DIS3L: variants seen among roughly 807,000 people sequenced by gnomAD.
DIS3L encodes DIS3-like exonuclease 1.
In DIS3L, 100 loss-of-function variants were observed where a neutral mutation model predicts 120.3. The ratio of observed to expected loss-of-function variants is 0.83; its 90% confidence interval spans 0.71 to 0.98. DIS3L has a LOEUF of 0.98. DIS3L is among the 50% of genes least tolerant of loss of function. The pLI is 0.00. For synonymous variants in DIS3L, 426 were observed against 470.6 expected (o/e 0.91, Z 1.23); for missense variants, 1,196 against 1,314.2 (o/e 0.91, Z 1.39).
chr15:66,307,219 C>T (rs1231174391), intron 3 of DIS3L, among the ~76,000 whole-genome samples: 1 of 152,136 alleles, frequency 6.6e-6, no homozygotes, highest in Non-Finnish European at 1.5e-5. Context: ...CAGGATCATT[C>T]CAGTGAACTA....
In DIS3L at chr15:66,308,854, G is replaced by A. The variant is rs1159240430; in HGVS notation, c.558+10G>A. On this transcript the variant is annotated intron_variant, in intron 4 of 16. Transcript: ENST00000319212. ...CGTGATTACTTTCAAGGTATTTCCA[G>A]ATATTGTATATGTATGAGTGCTCAT... The A allele has an allele frequency of 1.2e-6, 2 of 1,611,674 alleles. No individual in the cohort carries two copies. The highest frequency in any genetic ancestry group is 1.7e-6 in the Non-Finnish European group (2 of 1,178,696).
intron 2 of DIS3L, among the ~76,000 whole-genome samples, chr15:66,305,190 C>T (rs541932091): frequency 1.6e-3 from 236 of 151,286 alleles, no homozygotes; most frequent in Middle Eastern, 3.5e-3. Context: ...TTAGTAGAGA[C>T]GGGGTTTCAC....
rs1462918199 is a variant in DIS3L at position 66,293,695 on chromosome 15, C to A, written c.99C>A (p.Cys33Ter). Residue 33 changes from cysteine (C) to a stop codon, truncating the protein, a stop_gained, in exon 1 of 17, where the codon TGC becomes TGA. Coordinates refer to ENST00000319212, the MANE Select transcript of DIS3L (RefSeq NM_001143688.3). LOFTEE classifies it high-confidence loss of function. The stretch of plus-strand genomic sequence containing the variant: ...ACTACCTGCGGCCCTGCGTGCCCTG[C>A]CACAGCCCGCTCTGCCCGCAGCCCG... The part of the protein sequence containing the change: ...REHYLRPCVP[C>*]HSPLCPQPAA... 41 of 1,381,194 alleles carry A rather than the reference C, an allele frequency of 3.0e-5. No individual in the cohort carries two copies. In the East Asian group the frequency reaches 1.3e-3, roughly 43 times the overall value. The allele number at this position is 1,381,194 out of a possible 1,614,324, so 85.6% of individuals were successfully genotyped here. A position where few individuals can be genotyped will look rare whatever the true frequency, so the allele number is the denominator to read the frequency against.
intron 2 of DIS3L, 78 bp downstream of exon 2, chr15:66,295,219 T>G: frequency 1.5e-6 from 2 of 1,376,188 alleles, no homozygotes; most frequent in Non-Finnish European, 2.0e-6. Flanking sequence ...CGGAGGGGGA[T>G]GGGAGGAATT....
chr15:66,293,777 G>A (rs2092550368), intron 1 of DIS3L, 42 bp downstream of exon 1: 1 of 1,149,254 alleles, frequency 8.7e-7, no homozygotes, highest in Non-Finnish European at 1.1e-6. Context: ...CGGCGGGAGC[G>A]GGCGGCCGCA....
At chr15:66,308,900 G>A in intron 4 of DIS3L, 56 bp downstream of exon 4, 2 of 1,555,922 alleles carry the variant, frequency 1.3e-6, no homozygotes, top group East Asian at 2.3e-5. Context: ...GTACCCATAA[G>A]GCTCTAGATC....
chr15:66,328,125 CA>C (rs2092958247), intron 12 of DIS3L, among the ~76,000 whole-genome samples: 1 of 152,178 alleles, frequency 6.6e-6, no homozygotes, highest in Non-Finnish European at 1.5e-5. Context: ...GTGATGGCAG[CA>C]TCATTCATAT....
rs759009711 is a variant in DIS3L at position 66,318,560 on chromosome 15, C to G, written c.1106C>G (p.Pro369Arg). ...AATGCTCAGAAAATCCTGGTTACAC[C>G]TTGGGATTACAGAATTCCCAAAATT... is the stretch of plus-strand genomic sequence containing the variant. ...GKNAQKILVT[P>R]WDYRIPKIRI... The change falls in exon 8 of 17, where the codon CCT becomes CGT. Residue 369 changes from proline (P) to arginine (R), a missense_variant. Pro to Arg is a moderately radical substitution (Grantham distance 103). Transcript: ENST00000319212. 1.2e-6 allele frequency: 2 copies of G among 1,614,020 alleles called. No homozygotes were observed. The highest frequency in any genetic ancestry group is 3.3e-5 in the Admixed American group (2 of 59,996).
intron 2 of DIS3L, among the ~76,000 whole-genome samples, chr15:66,304,956 A>G (rs2140336457): frequency 6.6e-6 from 1 of 150,680 alleles, no homozygotes; most frequent in South Asian, 2.1e-4. Context: ...TTCTTTTCAC[A>G]GTGACTCAAA....
chr15:66,303,434 C>T (rs916897113), intron 2 of DIS3L, among the ~76,000 whole-genome samples: 3 of 152,096 alleles, frequency 2.0e-5, no homozygotes, highest in Non-Finnish European at 4.4e-5. Flanking sequence ...AGTTGGTATT[C>T]CCCAGGGCAT....
chr15:66,333,654 A>T lies in DIS3L; in HGVS notation c.*342A>T, dbSNP rs890337264. 6.3e-6 allele frequency: 1 copy of T among 159,832 alleles called. No homozygotes were observed. Among genetic ancestry groups the T allele is most frequent in the Non-Finnish European group, 1.3e-5 (1 of 74,858 alleles). The allele number at this position is 159,832 out of a possible 1,614,324, so 9.9% of individuals were successfully genotyped here. ...TGAAGCAGGAGAATTGCCTGAACCC[A>T]GGAAGAGGAGGTTGCAGTGAGCCGA... On this transcript the variant is annotated 3_prime_UTR_variant, in exon 17 of 17. Transcript: ENST00000319212.
At chr15:66,306,110 C>G (rs1199525032) in intron 2 of DIS3L, among the ~76,000 whole-genome samples, 1 of 152,170 alleles carries the variant, frequency 6.6e-6, no homozygotes, top group Non-Finnish European at 1.5e-5. Flanking sequence ...TCCCAAGTAG[C>G]TGGGACTACA....
At chr15:66,295,369 C>T (rs1350969046) in intron 2 of DIS3L, among the ~76,000 whole-genome samples, 1 of 152,150 alleles carries the variant, frequency 6.6e-6, no homozygotes, top group African/African-American at 2.4e-5. Flanking sequence ...GCAGTGTCCC[C>T]AGTATGTGGG....
At chr15:66,307,946 G>T (rs1181119398) in intron 3 of DIS3L, among the ~76,000 whole-genome samples, 1 of 152,138 alleles carries the variant, frequency 6.6e-6, no homozygotes, top group Non-Finnish European at 1.5e-5. Flanking sequence ...ACTTTGGGAG[G>T]CTGAGGCAAG....
At chr15:66,308,494 A>G (rs2092722881) in intron 3 of DIS3L, among the ~76,000 whole-genome samples, 1 of 152,202 alleles carries the variant, frequency 6.6e-6, no homozygotes. Context: ...TGGATGTCTT[A>G]GGGAAGAGAA....
In DIS3L at chr15:66,325,837, T is replaced by G. The variant is rs1237374065; in HGVS notation, c.1674T>G (p.Ala558=). The G allele has an allele frequency of 6.2e-7, 1 of 1,600,004 alleles. No individual in the cohort carries two copies. Among genetic ancestry groups the G allele is most frequent in the Admixed American group, 1.7e-5 (1 of 59,316 alleles). The change falls in exon 12 of 17, where the codon GCT becomes GCG. Residue 558 remains alanine (A), a synonymous_variant. Transcript: ENST00000319212. The part of the protein sequence containing the change: ...CSLLGGVDRY[A]VSIMWELDKA... ...AATGTTACTGTTTTTGTAGGTATGC[T>G]GTAAGCATCATGTGGGAACTGGATA...
At chr15:66,326,456 T>G (rs552877113) in intron 12 of DIS3L, 92 bp downstream of exon 12, 1 of 1,376,048 alleles carries the variant, frequency 7.3e-7, no homozygotes, top group South Asian at 1.4e-5. Context: ...AGCCAGATCT[T>G]TGACCAAAAA....
chr15:66,324,443 G>A (rs1566955563), intron 11 of DIS3L, among the ~76,000 whole-genome samples: 1 of 152,130 alleles, frequency 6.6e-6, no homozygotes, highest in Non-Finnish European at 1.5e-5. Context: ...AAAAAGCTGG[G>A]ATTACAGATG....
At chr15:66,300,722 A>G (rs2092638764) in intron 2 of DIS3L, among the ~76,000 whole-genome samples, 1 of 152,192 alleles carries the variant, frequency 6.6e-6, no homozygotes, top group Non-Finnish European at 1.5e-5. Flanking sequence ...TCTGGCCTAC[A>G]TGACTGGATG....
Sources: allele counts gnomAD v4.1 joint callset (sites outside exome capture counted in the v4.1 genomes callset), GRCh38; gene constraint gnomAD v4.1.1; transcripts MANE v1.5; gene names NCBI Gene and HGNC (gene_info 2026-07-23, HGNC 2026-07-21).